Variants in DIAPH2 observed in about 807,000 individuals in gnomAD.
DIAPH2 encodes protein diaphanous homolog 2.
DIAPH2 carries 35 observed loss-of-function variants against 92.7 expected under a neutral mutation model. The observed-to-expected ratio is 0.38, with a 90% CI of 0.29 to 0.50. DIAPH2 has a LOEUF of 0.50. Among genes scored for constraint, DIAPH2 ranks in the 20% least tolerant of loss-of-function variants. The pLI, the probability that DIAPH2 is intolerant of heterozygous loss-of-function variation, is 0.94. For synonymous variants in DIAPH2, 301 were observed against 280.4 expected (o/e 1.07, Z -0.73); for missense variants, 701 against 819.5 (o/e 0.86, Z 1.77).
At chrX:96,868,882 A>G (rs955542808) in intron 4 of DIAPH2, among the ~76,000 whole-genome samples, 85 of 111,749 alleles carry the variant, frequency 7.6e-4, no homozygotes, top group African/African-American at 2.6e-3. Context: ...TGTATAATCA[A>G]TGTGTGTGCA....
chrX:96,855,532 A>T (rs1398800664), intron 4 of DIAPH2, among the ~76,000 whole-genome samples: 1 of 109,665 alleles, frequency 9.1e-6, no homozygotes, highest in Non-Finnish European at 1.9e-5. Flanking sequence ...CTATATCCTC[A>T]TGAAGATGAG....
intron 1 of DIAPH2, among the ~76,000 whole-genome samples, chrX:96,723,572 A>G (rs1289627589): frequency 8.9e-6 from 1 of 112,178 alleles, no homozygotes; most frequent in Non-Finnish European, 1.9e-5. Context: ...CTGAAGGTGT[A>G]TTATAGATTT....
intron 22 of DIAPH2, among the ~76,000 whole-genome samples, chrX:97,214,929 G>GT (rs1359305385): frequency 1.8e-5 from 2 of 108,212 alleles, no homozygotes; most frequent in African/African-American, 6.7e-5. Context: ...GTTAGACAGA[G>GT]TTTTTTTCTG....
At chrX:97,513,973 T>G (rs1462074470) in intron 26 of DIAPH2, among the ~76,000 whole-genome samples, 1 of 106,316 alleles carries the variant, frequency 9.4e-6, no homozygotes, top group Non-Finnish European at 1.9e-5. Flanking sequence ...TTGGTGAATC[T>G]GACAATTATG....
At position 96,855,213 on chromosome X, in the gene DIAPH2, C is replaced by T. The variant is rs767105793; in HGVS notation, c.448-26366C>T. 1.4e-3 allele frequency among the ~76,000 whole-genome samples: 158 copies of T among 109,978 alleles called. 1 individual carries two copies. The highest frequency in any genetic ancestry group is 4.9e-3 in the African/African-American group (148 of 30,402). On this transcript the variant is annotated intron_variant, in intron 4 of 26. Transcript: ENST00000324765. ...TTGTTACAGTGTGATGGTTTTTCTT[C>T]ATTTAATTAATTAGAGAAACTATAG...
intron 23 of DIAPH2, among the ~76,000 whole-genome samples, chrX:97,331,975 G>C (rs1446708918): frequency 9.0e-6 from 1 of 111,440 alleles, no homozygotes; most frequent in Non-Finnish European, 1.9e-5. Flanking sequence ...GTCTGTCATT[G>C]AGATAGTTTA....
At chrX:97,295,196 C>T (rs1008121998) in intron 23 of DIAPH2, among the ~76,000 whole-genome samples, 2 of 111,884 alleles carry the variant, frequency 1.8e-5, no homozygotes, top group Admixed American at 1.9e-4. Context: ...TGATACCACT[C>T]TCTCTTGCCT....
chrX:97,457,857 CAG>C (rs1776824104), intron 26 of DIAPH2, among the ~76,000 whole-genome samples: 1 of 112,120 alleles, frequency 8.9e-6, no homozygotes, highest in Non-Finnish European at 1.9e-5. Context: ...CTCTGTGAAA[CAG>C]GGAACGAGCC....
At chrX:96,918,451 C>A in intron 8 of DIAPH2, 58 bp from the exon 9 acceptor site, 2 of 733,841 alleles carry the variant, frequency 2.7e-6, no homozygotes, top group Non-Finnish European at 2.0e-6. Flanking sequence ...AGGACCGGTG[C>A]TCATAGTGTC....
intron 4 of DIAPH2, among the ~76,000 whole-genome samples, chrX:96,823,975 AAT>A (rs202132555): frequency 1.1e-5 from 1 of 91,979 alleles, no homozygotes; most frequent in Non-Finnish European, 2.1e-5. Flanking sequence ...TAAATAAAGA[AAT>A]ATATATATAA....
intron 21 of DIAPH2, among the ~76,000 whole-genome samples, chrX:97,139,882 T>C (rs910624223): frequency 1.2e-4 from 13 of 111,398 alleles, no homozygotes; most frequent in African/African-American, 3.6e-4. Flanking sequence ...AATTGACATA[T>C]GAGCACAGTG....
intron 16 of DIAPH2, among the ~76,000 whole-genome samples, chrX:96,961,940 A>T (rs1867200976): frequency 9.1e-6 from 1 of 109,690 alleles, no homozygotes; most frequent in African/African-American, 3.3e-5. Flanking sequence ...TTATAGTAGC[A>T]TATGATCTAT....
intron 4 of DIAPH2, among the ~76,000 whole-genome samples, chrX:96,779,426 CT>C (rs1186529549): frequency 7.1e-5 from 8 of 111,975 alleles, no homozygotes; most frequent in Middle Eastern, 4.2e-3. Context: ...ACTTTTCCCC[CT>C]AGAAGAAAAC....
intron 26 of DIAPH2, among the ~76,000 whole-genome samples, chrX:97,571,298 A>G (rs2071368229): frequency 8.9e-6 from 1 of 112,019 alleles, no homozygotes. Context: ...TAACCTAAAC[A>G]TGAATAAAAA....
intron 21 of DIAPH2, among the ~76,000 whole-genome samples, chrX:97,127,001 A>T: frequency 8.9e-6 from 1 of 112,383 alleles, no homozygotes; most frequent in East Asian, 2.8e-4. Flanking sequence ...TATCTTTAAA[A>T]CTGCTTCTCA....
At chrX:97,148,714 A>G (rs1365008538) in intron 22 of DIAPH2, among the ~76,000 whole-genome samples, 1 of 111,844 alleles carries the variant, frequency 8.9e-6, no homozygotes, top group African/African-American at 3.2e-5. Flanking sequence ...TTAATTGCAT[A>G]TCATTTTAGT....
chrX:96,885,804 A>G (rs1225753357), intron 5 of DIAPH2, among the ~76,000 whole-genome samples: 2 of 111,850 alleles, frequency 1.8e-5, no homozygotes, highest in Non-Finnish European at 3.8e-5. Flanking sequence ...AATTTATTGT[A>G]GTTGTATGGT....
chrX:97,207,904 A>G (rs1289649654), intron 22 of DIAPH2, among the ~76,000 whole-genome samples: 4 of 111,634 alleles, frequency 3.6e-5, no homozygotes, highest in Non-Finnish European at 7.5e-5. Flanking sequence ...CTATAATCCC[A>G]GCACTTTGGA....
At chrX:96,875,017 C>T (rs1009983913) in intron 4 of DIAPH2, among the ~76,000 whole-genome samples, 1 of 112,062 alleles carries the variant, frequency 8.9e-6, no homozygotes, top group Non-Finnish European at 1.9e-5. Flanking sequence ...CACCTGACCT[C>T]ATGTGTTGAG....
Sources: allele counts gnomAD v4.1 joint callset (sites outside exome capture counted in the v4.1 genomes callset), GRCh38; gene constraint gnomAD v4.1.1; transcripts MANE v1.5; gene names NCBI Gene and HGNC (gene_info 2026-07-23, HGNC 2026-07-21).